SLC24A2: variants seen among roughly 807,000 people sequenced by gnomAD.
SLC24A2 encodes the protein sodium/potassium/calcium exchanger 2.
Under a neutral mutation model 62.0 loss-of-function variants are expected in SLC24A2, and 36 were observed. The observed-to-expected ratio is 0.58, with a 90% CI of 0.44 to 0.77. The LOEUF is 0.77. SLC24A2 is among the 30% of genes least tolerant of loss of function. The pLI is 0.00. For synonymous variants in SLC24A2, 358 were observed against 294.0 expected, an observed-to-expected ratio of 1.22 and a Z score of -2.23; for missense variants, 846 against 817.9, an observed-to-expected ratio of 1.03 and a Z score of -0.42.
At chr9:19,558,819 C>A (rs7858369) in intron 7 of SLC24A2, among the ~76,000 whole-genome samples, 2 of 152,042 alleles carry the variant, frequency 1.3e-5, no homozygotes, top group Non-Finnish European at 2.9e-5. Context: ...CTGACAAAGG[C>A]GGCATGTTTT....
chr9:20,297,657 G>A, the SLC24A2 span, among the ~76,000 whole-genome samples: 1 of 152,212 alleles, frequency 6.6e-6, no homozygotes, highest in Admixed American at 6.5e-5. Flanking sequence ...CAGCACTGCT[G>A]ACTCTGTCGT....
chr9:19,653,628 A>C (rs1818861112), intron 2 of SLC24A2, among the ~76,000 whole-genome samples: 1 of 152,234 alleles, frequency 6.6e-6, no homozygotes, highest in African/African-American at 2.4e-5. Context: ...TATCAGTAGA[A>C]TCTTGAGCTT....
intron 9 of SLC24A2, among the ~76,000 whole-genome samples, chr9:19,523,981 T>A (rs1051948827): frequency 6.6e-6 from 1 of 152,112 alleles, no homozygotes; most frequent in Non-Finnish European, 1.5e-5. Flanking sequence ...AAGCTTGTTT[T>A]GAGTACATTT....
chr9:19,768,549 A>G (rs753772497), intron 2 of SLC24A2, among the ~76,000 whole-genome samples: 3 of 152,126 alleles, frequency 2.0e-5, no homozygotes, highest in Non-Finnish European at 4.4e-5. Context: ...GATAACTGAG[A>G]TGGCTACTAA....
At chr9:20,016,278 A>G in the SLC24A2 span, among the ~76,000 whole-genome samples, 2 of 152,318 alleles carry the variant, frequency 1.3e-5, no homozygotes, top group South Asian at 4.1e-4. Context: ...TACTAGGAAA[A>G]ACATGAAAAT....
chr9:19,819,523 C>G, the SLC24A2 span, among the ~76,000 whole-genome samples: 5 of 145,332 alleles, frequency 3.4e-5, no homozygotes, highest in Non-Finnish European at 5.9e-5. Context: ...AAGAAAAAAA[C>G]AATCCCATCA....
intron 5 of SLC24A2, among the ~76,000 whole-genome samples, chr9:19,589,116 A>T (rs566772490): frequency 6.6e-6 from 1 of 152,338 alleles, no homozygotes; most frequent in Non-Finnish European, 1.5e-5. Flanking sequence ...AATTTATTTT[A>T]TATGTATATG....
At chr9:19,806,850 T>C in the SLC24A2 span, among the ~76,000 whole-genome samples, 1 of 152,210 alleles carries the variant, frequency 6.6e-6, no homozygotes, top group African/African-American at 2.4e-5. Context: ...TTATAGATTT[T>C]ATTTATTTTC....
At chr9:20,094,547 C>T in the SLC24A2 span, among the ~76,000 whole-genome samples, 1 of 152,072 alleles carries the variant, frequency 6.6e-6, no homozygotes, top group African/African-American at 2.4e-5. Flanking sequence ...ACAATATTAA[C>T]AAGTGTGATT....
rs72548996 is a variant in SLC24A2, at chr9:19,720,699, C to CA, written c.930+65237_930+65238insT. On this transcript the variant is annotated intron_variant, in intron 2 of 10. Transcript: ENST00000341998. ...ACAATTACAATGACAACCCCCCCCC[C>CA]CAAAAAAAATCACCTTGATGTGGCT... Among the ~76,000 whole-genome samples, 1,293 of 82,360 alleles carry CA rather than the reference C, an allele frequency of 0.016. 38 individuals are homozygous for CA. In the East Asian group the frequency reaches 0.24, roughly 15 times the overall value. The allele number at this position is 82,360 out of a possible 152,430, so 54.0% of individuals were successfully genotyped here.
At chr9:19,961,355 T>C in the SLC24A2 span, among the ~76,000 whole-genome samples, 5 of 152,308 alleles carry the variant, frequency 3.3e-5, no homozygotes, top group African/African-American at 7.2e-5. Flanking sequence ...CAAAACTGGA[T>C]TCCCTCTCTT....
At chr9:19,833,201 T>A in the SLC24A2 span, among the ~76,000 whole-genome samples, 2 of 152,116 alleles carry the variant, frequency 1.3e-5, no homozygotes, top group Admixed American at 6.5e-5. Context: ...ACCGGGTTCA[T>A]CTCACTGGGG....
At chr9:20,186,144 G>A in the SLC24A2 span, among the ~76,000 whole-genome samples, 12 of 151,978 alleles carry the variant, frequency 7.9e-5, no homozygotes, top group African/African-American at 1.5e-4. Context: ...AGCACATAGC[G>A]TAATAGGGGG....
the SLC24A2 span, among the ~76,000 whole-genome samples, chr9:19,956,154 T>A: frequency 6.6e-6 from 1 of 152,194 alleles, no homozygotes; most frequent in Non-Finnish European, 1.5e-5. Flanking sequence ...TACGTTTAGC[T>A]TTTAGTTGTA....
the SLC24A2 span, among the ~76,000 whole-genome samples, chr9:20,220,110 G>C: frequency 6.6e-6 from 1 of 151,882 alleles, no homozygotes; most frequent in Non-Finnish European, 1.5e-5. Flanking sequence ...GATTCCTATA[G>C]TTAATTTTTT....
At chr9:19,837,184 G>A in the SLC24A2 span, among the ~76,000 whole-genome samples, 1 of 152,012 alleles carries the variant, frequency 6.6e-6, no homozygotes, top group East Asian at 1.9e-4. Flanking sequence ...CGGGTGCGGT[G>A]GCTCACGCCT....
At chr9:19,748,601 A>C (rs960223153) in intron 2 of SLC24A2, among the ~76,000 whole-genome samples, 2 of 152,102 alleles carry the variant, frequency 1.3e-5, no homozygotes, top group Non-Finnish European at 2.9e-5. Flanking sequence ...CCTGATAATA[A>C]ATTTCCAGCA....
chr9:19,754,739 C>T, intron 2 of SLC24A2, among the ~76,000 whole-genome samples: 1 of 151,334 alleles, frequency 6.6e-6, no homozygotes. Flanking sequence ...TGCCAAAATG[C>T]AACTCCAAGC....
chr9:19,911,953 C>T, the SLC24A2 span, among the ~76,000 whole-genome samples: 1 of 152,080 alleles, frequency 6.6e-6, no homozygotes, highest in Non-Finnish European at 1.5e-5. Context: ...TGCCATTGAG[C>T]CTTTTAGTGT....
Sources: allele counts gnomAD v4.1 joint callset (sites outside exome capture counted in the v4.1 genomes callset), GRCh38; gene constraint gnomAD v4.1.1; transcripts MANE v1.5; gene names NCBI Gene and HGNC (gene_info 2026-07-23, HGNC 2026-07-21).